The following ADCY5 variants were observed in gnomAD, a reference collection of about 807,000 sequenced individuals.
ADCY5 encodes the protein adenylate cyclase 5.
In ADCY5, 30 loss-of-function variants were observed where a neutral mutation model predicts 119.7. That is an observed-to-expected ratio of 0.25 (90% CI 0.19 to 0.34). ADCY5 has a LOEUF of 0.34. Among genes scored for constraint, ADCY5 ranks in the 10% least tolerant of loss-of-function variants. The probability of loss-of-function intolerance (pLI) is 1.00; values close to 1 mark genes in which losing one functional copy is unlikely to be tolerated. For missense variants in ADCY5, 1,324 were observed against 1,775.2 expected (o/e 0.75, Z 4.57); for synonymous variants, 753 against 762.2 (o/e 0.99, Z 0.20).
At chr3:123,329,659 G>A (rs1941667366) in intron 5 of ADCY5, among the ~76,000 whole-genome samples, 1 of 152,114 alleles carries the variant, frequency 6.6e-6, no homozygotes, top group Non-Finnish European at 1.5e-5. Flanking sequence ...TGGGGCATGG[G>A]CGCACTCAGC....
chr3:123,362,452 A>T (rs1198837529), intron 1 of ADCY5, among the ~76,000 whole-genome samples: 2 of 152,248 alleles, frequency 1.3e-5, no homozygotes, highest in Non-Finnish European at 2.9e-5. Flanking sequence ...TATAACTTGC[A>T]CAGCTGTGCC....
At chr3:123,394,520 T>C (rs773685590) in intron 1 of ADCY5, among the ~76,000 whole-genome samples, 3 of 152,188 alleles carry the variant, frequency 2.0e-5, no homozygotes, top group African/African-American at 7.2e-5. Flanking sequence ...CTGATAACTG[T>C]TGGTGTCCAA....
chr3:123,415,614 G>A (rs1458174610), intron 1 of ADCY5, among the ~76,000 whole-genome samples: 3 of 152,214 alleles, frequency 2.0e-5, no homozygotes, highest in African/African-American at 7.2e-5. Context: ...CAGCGCCTCT[G>A]TGGCCTTGGG....
In ADCY5 at chr3:123,319,809, C is replaced by T; in HGVS notation, c.2121G>A (p.Gln707=). The T allele has an allele frequency of 6.2e-7, 1 of 1,613,860 alleles. No homozygotes were observed. The highest frequency in any genetic ancestry group is 8.5e-7 in the Non-Finnish European group (1 of 1,179,742). Reference sequence around the variant, plus strand: ...CTTCATCCTCAGGGTTCGCACTCTCCTGGGCGTTCCTGGGGAGCAGAAGGC... The same window carrying T: ...CTTCATCCTCAGGGTTCGCACTCTCTTGGGCGTTCCTGGGGAGCAGAAGGC... ...GFEDPKDKNA[Q]ESANPEDEVD... is the part of the protein sequence containing the mutation. Residue 707 remains glutamine (Q), a synonymous_variant, in exon 10 of 21, where the codon CAG becomes CAA. Transcript: ENST00000462833.
intron 3 of ADCY5, 24 bp downstream of exon 3, chr3:123,347,758 C>G (rs763895774): frequency 1.2e-6 from 2 of 1,613,540 alleles, no homozygotes; most frequent in Admixed American, 1.7e-5. Flanking sequence ...CCCTTCCATC[C>G]TCCTCCCCCA....
At chr3:123,435,296 T>C (rs1381718158) in intron 1 of ADCY5, among the ~76,000 whole-genome samples, 1 of 152,022 alleles carries the variant, frequency 6.6e-6, no homozygotes, top group Non-Finnish European at 1.5e-5. Flanking sequence ...AAAAAATAAA[T>C]AAATACGTAA....
At position 123,300,220 on chromosome 3, in the gene ADCY5, C is replaced by A; in HGVS notation, c.2800G>T (p.Val934Leu). The A allele has an allele frequency of 6.2e-7, 1 of 1,613,812 alleles. No homozygotes were observed. Among genetic ancestry groups the A allele is most frequent in the Non-Finnish European group, 8.5e-7 (1 of 1,180,046 alleles). ...FLQISCIGKL[V>L]LMLAIELIYV... ...ATGAGCTCGATGGCCAGCATGAGCA[C>A]CAGCTTCCCGATGCAGCTGATCTGC... The change falls in exon 15 of 21, where the codon GTG becomes TTG. Residue 934 changes from valine (V) to leucine (L), a missense_variant. Val to Leu is a conservative substitution (Grantham distance 32). Around this residue, in one of 6 missense-constraint regions of ADCY5, gnomAD observed 424 missense variants for 546.8 expected, o/e 0.78. Transcript: ENST00000462833.
chr3:123,355,165 TG>T (rs1388184638), intron 1 of ADCY5, among the ~76,000 whole-genome samples: 1 of 152,188 alleles, frequency 6.6e-6, no homozygotes, highest in Non-Finnish European at 1.5e-5. Flanking sequence ...GAAATAAAAC[TG>T]TCTCTATTTG....
At chr3:123,285,371 AAAG>A (rs1278687424) in intron 20 of ADCY5, among the ~76,000 whole-genome samples, 1 of 152,208 alleles carries the variant, frequency 6.6e-6, no homozygotes, top group Non-Finnish European at 1.5e-5. Flanking sequence ...CTTTCGGAAC[AAAG>A]AAGAGAGCTC....
intron 17 of ADCY5, among the ~76,000 whole-genome samples, chr3:123,293,003 G>A (rs1016789761): frequency 5.3e-5 from 8 of 152,222 alleles, no homozygotes; most frequent in African/African-American, 1.4e-4. Flanking sequence ...CCAATCCCCA[G>A]GGCCAGGCCA....
intron 8 of ADCY5, among the ~76,000 whole-genome samples, chr3:123,322,446 C>T (rs1447836835): frequency 6.6e-6 from 1 of 152,152 alleles, no homozygotes; most frequent in Non-Finnish European, 1.5e-5. Flanking sequence ...CACTGCTTGC[C>T]ATGTTGGTGT....
intron 1 of ADCY5, among the ~76,000 whole-genome samples, chr3:123,437,183 T>C (rs1365102087): frequency 1.3e-5 from 2 of 152,264 alleles, no homozygotes; most frequent in East Asian, 3.9e-4. Context: ...TAGGAGACCA[T>C]GCAGAACACC....
chr3:123,284,343 G>C lies in ADCY5; in HGVS notation c.*265C>G. The C allele has an allele frequency of 2.2e-6, 1 of 453,632 alleles. No homozygotes were observed. The allele number at this position is 453,632 out of a possible 1,614,324, so 28.1% of individuals were successfully genotyped here. ...CAGCAGCACCTGTTAGAAAACTCAA[G>C]CTTCAGACCCAGTCTAGCAGAGTCT... is the stretch of plus-strand genomic sequence containing the variant. On this transcript the variant is annotated 3_prime_UTR_variant, in exon 21 of 21. Transcript: ENST00000462833.
chr3:123,444,475 G>A (rs1945778256), intron 1 of ADCY5, among the ~76,000 whole-genome samples: 1 of 152,104 alleles, frequency 6.6e-6, no homozygotes, highest in Non-Finnish European at 1.5e-5. Context: ...CCGAGGGGGA[G>A]GGTGACAAAC....
In ADCY5 at chr3:123,318,025, C is replaced by A; in HGVS notation, c.2349G>T (p.Val783=). ...LFICFVQITI[V]PHSIFMLSFY... is the part of the protein sequence containing the mutation. ...AGAGGGACGGGGATACTCACTGGGG[C>A]ACGATGGTGATCTGGACAAAGCAGA... The change falls in exon 11 of 21, where the codon GTG becomes GTT. Residue 783 remains valine (V), a synonymous_variant. Transcript: ENST00000462833. 6.2e-7 allele frequency: 1 copy of A among 1,613,430 alleles called. No individual in the cohort carries two copies. The highest frequency in any genetic ancestry group is 8.5e-7 in the Non-Finnish European group (1 of 1,179,680).
intron 1 of ADCY5, among the ~76,000 whole-genome samples, chr3:123,395,979 G>GGAAAGAAAGAAAGA (rs533201747): frequency 0.07 from 7,808 of 111,034 alleles, 784 homozygotes; most frequent in African/African-American, 0.21. Context: ...AAGAAAGGAA[G>GGAAAGAAAGAAAGA]GAAAGAAAGA....
intron 3 of ADCY5, among the ~76,000 whole-genome samples, chr3:123,334,530 G>C (rs1028062717): frequency 2.0e-5 from 3 of 152,152 alleles, no homozygotes; most frequent in African/African-American, 7.2e-5. Context: ...TTGAGGTCAG[G>C]TGTTCGAGCC....
chr3:123,349,330 C>T (rs1459815483), intron 2 of ADCY5, among the ~76,000 whole-genome samples: 7 of 152,202 alleles, frequency 4.6e-5, no homozygotes, highest in Non-Finnish European at 1.0e-4. Context: ...TTCCTTTCCC[C>T]TCAGCCGCAG....
intron 1 of ADCY5, among the ~76,000 whole-genome samples, chr3:123,376,745 A>C (rs1168244013): frequency 6.6e-6 from 1 of 152,170 alleles, no homozygotes; most frequent in Non-Finnish European, 1.5e-5. Flanking sequence ...GAGAATGGGG[A>C]ACAAAAGTCT....
Sources: gnomAD v4.1 joint callset for allele counts (sites outside exome capture counted in the v4.1 genomes callset) on GRCh38, gnomAD v4.1.1 for gene constraint, gnomAD v4.1.1 regional missense constraint, MANE v1.5 for transcripts, NCBI Gene and HGNC (gene_info 2026-07-23, HGNC 2026-07-21) for gene names.